EPB41L2: variants seen among roughly 807,000 people sequenced by gnomAD.
The protein encoded by EPB41L2 is band 4.1-like protein 2.
Under a neutral mutation model 113.0 loss-of-function variants are expected in EPB41L2, and 43 were observed. The observed-to-expected ratio is 0.38, with a 90% CI of 0.30 to 0.49. EPB41L2 has a LOEUF of 0.49. EPB41L2 is among the 20% of genes least tolerant of loss of function. The pLI, the probability that EPB41L2 is intolerant of heterozygous loss-of-function variation, is 0.95. For synonymous variants in EPB41L2, 442 were observed against 436.7 expected, an observed-to-expected ratio of 1.01 and a Z score of -0.15; for missense variants, 1,147 against 1,223.4, an observed-to-expected ratio of 0.94 and a Z score of 0.93.
chr6:131,009,211 A>C (rs1786327708), intron 1 of EPB41L2, among the ~76,000 whole-genome samples: 2 of 152,170 alleles, frequency 1.3e-5, no homozygotes, highest in Admixed American at 1.3e-4. Context: ...GTGAGTTCTC[A>C]CGAGGTCTGA....
chr6:131,051,166 C>T (rs566951458), intron 1 of EPB41L2, among the ~76,000 whole-genome samples: 2 of 152,108 alleles, frequency 1.3e-5, no homozygotes, highest in African/African-American at 4.8e-5. Context: ...GTCATCCACT[C>T]CCAGGCACCC....
At chr6:130,881,095 T>C (rs749077332) in intron 12 of EPB41L2, 1 of 152,192 alleles carries the variant, frequency 6.6e-6, no homozygotes, top group African/African-American at 2.4e-5. Flanking sequence ...TATCTGATGA[T>C]TCAAAAGAAT....
At chr6:130,941,495 C>A (rs777206552) in intron 3 of EPB41L2, among the ~76,000 whole-genome samples, 2 of 152,316 alleles carry the variant, frequency 1.3e-5, no homozygotes, top group Admixed American at 6.5e-5. Flanking sequence ...GAGCAGCAAA[C>A]TTCTGTAGGC....
Position 130,896,081 on chromosome 6 carries a change from C to A in EPB41L2, c.1237-962G>T, listed in dbSNP as rs187008652. ...CAAATTCTCACAAAAAATGTTGCAA[C>A]AAACCCCATATTTAGTCTAACTCCC... On this transcript the variant is annotated intron_variant, in intron 8 of 19. Transcript: ENST00000337057. 8.1e-4 allele frequency among the ~76,000 whole-genome samples: 123 copies of A among 152,294 alleles called. 1 individual carries two copies. Among genetic ancestry groups the A allele is most frequent in the Admixed American group, 1.9e-3 (29 of 15,300 alleles).
At chr6:130,951,271 AGGGG>A (rs141935350) in intron 3 of EPB41L2, among the ~76,000 whole-genome samples, 1 of 3,074 alleles carries the variant, frequency 3.3e-4, no homozygotes, top group Non-Finnish European at 1.8e-3. Context: ...AAGGAGGGGG[AGGGG>A]GGGAGGGGAG....
At chr6:130,986,587 C>CTT (rs368892146) in intron 1 of EPB41L2, among the ~76,000 whole-genome samples, 4 of 143,376 alleles carry the variant, frequency 2.8e-5, no homozygotes, top group African/African-American at 5.1e-5. Flanking sequence ...GGATTTTTTT[C>CTT]TTTTTTTTTT....
At chr6:131,033,532 A>G (rs1792666372) in intron 1 of EPB41L2, among the ~76,000 whole-genome samples, 1 of 152,246 alleles carries the variant, frequency 6.6e-6, no homozygotes, top group South Asian at 2.1e-4. Flanking sequence ...CAAAAGGTAG[A>G]AACAAAAATG....
At chr6:130,957,554 G>A (rs1177373513) in intron 1 of EPB41L2, among the ~76,000 whole-genome samples, 1 of 151,896 alleles carries the variant, frequency 6.6e-6, no homozygotes, top group Non-Finnish European at 1.5e-5. Flanking sequence ...CAGCTACTTG[G>A]GAGTCTGAGA....
At position 130,867,459 on chromosome 6, in the gene EPB41L2, C is replaced by T; in HGVS notation, c.2730G>A (p.Gln910=). 6.2e-7 allele frequency: 1 copy of T among 1,613,858 alleles called. No individual in the cohort carries two copies. Among genetic ancestry groups the T allele is most frequent in the Non-Finnish European group, 8.5e-7 (1 of 1,179,848 alleles). Reference sequence around the variant, plus strand: ...CAGTCCAAGTCTAGAGCTTTTGTACCTGTGGAGACTCATATGTGATGGTTT... The same window carrying T: ...CAGTCCAAGTCTAGAGCTTTTGTACTTGTGGAGACTCATATGTGATGGTTT... The part of the protein sequence containing the change: ...ETKTITYESP[Q]IDGGAGGDSG... The change falls in exon 16 of 20, where the codon CAG becomes CAA. Residue 910 remains glutamine (Q), a splice_region_variant and synonymous_variant. Coordinates refer to ENST00000337057, the MANE Select transcript of EPB41L2 (RefSeq NM_001431.4).
intron 10 of EPB41L2, among the ~76,000 whole-genome samples, chr6:130,892,541 C>G (rs1426858348): frequency 6.6e-6 from 1 of 150,846 alleles, no homozygotes; most frequent in African/African-American, 2.4e-5. Flanking sequence ...GTTATGGCTA[C>G]CAAGAAAAAT....
chr6:130,929,200 G>A (rs1805843115), intron 3 of EPB41L2, among the ~76,000 whole-genome samples: 1 of 152,162 alleles, frequency 6.6e-6, no homozygotes. Flanking sequence ...AGTGCTATCA[G>A]AACACCAGGA....
chr6:130,953,873 A>C (rs1562574322), intron 3 of EPB41L2, among the ~76,000 whole-genome samples: 1 of 151,754 alleles, frequency 6.6e-6, no homozygotes, highest in Non-Finnish European at 1.5e-5. Context: ...CTCACCAGAC[A>C]CCAAATTTTC....
Position 130,863,734 on chromosome 6 carries a change from GAGA to G in EPB41L2, c.2830-19_2830-17del, listed in dbSNP as rs776330393. 1.3e-6 allele frequency: 2 copies of G among 1,596,462 alleles called. No individual in the cohort carries two copies. Among genetic ancestry groups the G allele is most frequent in the Non-Finnish European group, 1.7e-6 (2 of 1,165,510 alleles). Reference sequence around the variant, plus strand: ...CTTTTACAGTCTAAAGGTCATAAAGGAGAAGAAGAAAAAACAGCAATCACTGAA... The same window carrying G: ...CTTTTACAGTCTAAAGGTCATAAAGGAGAAGAAAAAACAGCAATCACTGAA... On this transcript the variant is annotated splice_polypyrimidine_tract_variant and intron_variant, in intron 17 of 19. Transcript: ENST00000337057.
chr6:130,984,717 C>G (rs1422702989), intron 1 of EPB41L2, among the ~76,000 whole-genome samples: 1 of 152,318 alleles, frequency 6.6e-6, no homozygotes, highest in Admixed American at 6.5e-5. Flanking sequence ...TTTCCCAGAA[C>G]AGCTCTAGTT....
chr6:130,929,901 A>ACACACACACACACG (rs1257872956), intron 3 of EPB41L2, among the ~76,000 whole-genome samples: 2 of 148,974 alleles, frequency 1.3e-5, no homozygotes, highest in Non-Finnish European at 3.0e-5. Context: ...ACACACATAC[A>ACACACACACACACG]CGCACAGTCA....
At chr6:130,925,006 T>C (rs1197200859) in intron 4 of EPB41L2, among the ~76,000 whole-genome samples, 2 of 151,722 alleles carry the variant, frequency 1.3e-5, no homozygotes, top group East Asian at 1.9e-4. Context: ...ACAGAGGGAA[T>C]TGCCAACTCC....
chr6:131,033,457 G>A (rs1792638741), intron 1 of EPB41L2, among the ~76,000 whole-genome samples: 1 of 152,196 alleles, frequency 6.6e-6, no homozygotes. Flanking sequence ...CTCAAAAGAA[G>A]TGAAAGCAGG....
intron 8 of EPB41L2, among the ~76,000 whole-genome samples, chr6:130,897,647 G>A (rs1004503139): frequency 1.3e-5 from 2 of 152,128 alleles, no homozygotes; most frequent in African/African-American, 4.8e-5. Context: ...GCTCTTTTTG[G>A]TCTCAAACAT....
chr6:130,907,981 A>G lies in EPB41L2; in HGVS notation c.853+840T>C, dbSNP rs188221060. On this transcript the variant is annotated intron_variant, in intron 5 of 19. Transcript: ENST00000337057. ...AGGAATTTACCAGCCTTCAGATTTT[A>G]TTCTCCAGACCGAAAATTCCAACTG... Among the ~76,000 whole-genome samples, 234 of 152,312 alleles carry G rather than the reference A, an allele frequency of 1.5e-3. 1 individual carries two copies. The highest frequency in any genetic ancestry group is 3.1e-3 in the Admixed American group (48 of 15,308).
Sources: allele counts gnomAD v4.1 joint callset (sites outside exome capture counted in the v4.1 genomes callset), GRCh38; gene constraint gnomAD v4.1.1; transcripts MANE v1.5; gene names NCBI Gene and HGNC (gene_info 2026-07-23, HGNC 2026-07-21).